Variants in GPATCH2L observed in about 807,000 individuals in gnomAD.
The protein encoded by GPATCH2L is G patch domain-containing protein 2-like.
A neutral mutation model predicts 57.4 loss-of-function variants in GPATCH2L; 31 were observed. The ratio of observed to expected loss-of-function variants is 0.54; its 90% CI spans 0.41 to 0.73. GPATCH2L has a LOEUF of 0.73. GPATCH2L is among the 30% of genes least tolerant of loss of function. The pLI is 0.00. For synonymous variants in GPATCH2L, 199 were observed against 210.7 expected, an observed-to-expected ratio of 0.94 and a Z score of 0.48; for missense variants, 481 against 599.9, an observed-to-expected ratio of 0.80 and a Z score of 2.07.
intron 6 of GPATCH2L, 54 bp from the exon 7 acceptor site, chr14:76,177,934 A>G: frequency 1.3e-6 from 2 of 1,599,846 alleles, no homozygotes; most frequent in Non-Finnish European, 8.6e-7. Flanking sequence ...GAAATCAGGT[A>G]AGATCATTTT....
chr14:76,221,241 A>C (rs995993708), intron 1 of GPATCH2L, among the ~76,000 whole-genome samples: 1 of 152,228 alleles, frequency 6.6e-6, no homozygotes, highest in African/African-American at 2.4e-5. Flanking sequence ...GAAGATATAC[A>C]GATGGAAAAT....
chr14:76,164,044 G>C (rs1453404769), intron 2 of GPATCH2L, among the ~76,000 whole-genome samples: 2 of 152,130 alleles, frequency 1.3e-5, no homozygotes, highest in Non-Finnish European at 2.9e-5. Flanking sequence ...TTGTCTGAAG[G>C]TCCGGCTGCC....
chr14:76,199,220 C>A (rs1343218601), intron 9 of GPATCH2L, among the ~76,000 whole-genome samples: 1 of 152,002 alleles, frequency 6.6e-6, no homozygotes, highest in Admixed American at 6.6e-5. Flanking sequence ...CTTTAAAAAT[C>A]TTCTCCCTGC....
At chr14:76,172,431 T>C (rs2039128730) in intron 4 of GPATCH2L, among the ~76,000 whole-genome samples, 2 of 152,210 alleles carry the variant, frequency 1.3e-5, no homozygotes, top group Non-Finnish European at 2.9e-5. Context: ...TTAAAACGGA[T>C]GCTTTTAAAA....
intron 1 of GPATCH2L, among the ~76,000 whole-genome samples, chr14:76,224,224 G>T (rs2139867439): frequency 6.6e-6 from 1 of 152,262 alleles, no homozygotes. Context: ...ATTAGTAGCT[G>T]CCAATGGGAA....
rs1480651456 is a variant in GPATCH2L, at chr14:76,205,061, A to G, written c.*3210A>G. On this transcript the variant is annotated 3_prime_UTR_variant, in exon 10 of 10. Transcript: ENST00000261530. ...CATAGCTCACTGTAACCTTGAACTCATAAGCTCAAGCCATCCTCCTGCCTC... is the reference window on the plus strand; with the variant it reads ...CATAGCTCACTGTAACCTTGAACTCGTAAGCTCAAGCCATCCTCCTGCCTC... 1 of 152,224 alleles carries G rather than the reference A, an allele frequency of 6.6e-6. No individual in the cohort carries two copies. Among genetic ancestry groups the G allele is most frequent in the Non-Finnish European group, 1.5e-5 (1 of 68,104 alleles). 9.4% of individuals were successfully genotyped at this position (152,224 alleles called of 1,614,324 possible). A position where few individuals can be genotyped will look rare whatever the true frequency, so the allele number is the denominator to read the frequency against.
At chr14:76,165,281 C>G (rs1335285475) in intron 2 of GPATCH2L, among the ~76,000 whole-genome samples, 1 of 152,000 alleles carries the variant, frequency 6.6e-6, no homozygotes, top group East Asian at 1.9e-4. Context: ...ATCATGAGGT[C>G]AGGAGTTCGA....
intron 2 of GPATCH2L, among the ~76,000 whole-genome samples, chr14:76,232,015 A>G (rs527281327): frequency 4.3e-3 from 9 of 2,082 alleles, no homozygotes; most frequent in Non-Finnish European, 9.0e-3. Flanking sequence ...AGGCTCAAGC[A>G]ATCTTCCTGC....
downstream of GPATCH2L, among the ~76,000 whole-genome samples, chr14:76,217,088 A>T (rs140488489): frequency 6.6e-6 from 1 of 152,290 alleles, no homozygotes; most frequent in African/African-American, 2.4e-5. Context: ...AAACTATACA[A>T]CTACTGGAAA....
At chr14:76,198,962 T>C (rs763571321) in intron 9 of GPATCH2L, among the ~76,000 whole-genome samples, 17 of 152,204 alleles carry the variant, frequency 1.1e-4, no homozygotes, top group Non-Finnish European at 2.2e-4. Flanking sequence ...AGTTCCATTT[T>C]AGGATGTCCC....
At chr14:76,221,959 T>C (rs564355135) in intron 1 of GPATCH2L, among the ~76,000 whole-genome samples, 10 of 152,314 alleles carry the variant, frequency 6.6e-5, no homozygotes, top group African/African-American at 2.2e-4. Flanking sequence ...AACATTAGTG[T>C]ATCAACTATG....
intron 5 of GPATCH2L, chr14:76,174,237 G>C (rs772684062): frequency 6.6e-6 from 1 of 152,268 alleles, no homozygotes; most frequent in Non-Finnish European, 1.5e-5. Context: ...AGGAATGTCT[G>C]ATGTTACCCA....
intron 8 of GPATCH2L, among the ~76,000 whole-genome samples, chr14:76,187,773 A>G (rs1448187103): frequency 6.6e-6 from 1 of 152,088 alleles, no homozygotes; most frequent in Non-Finnish European, 1.5e-5. Context: ...ATTATTATTG[A>G]CTGTAGCCAC....
intron 2 of GPATCH2L, among the ~76,000 whole-genome samples, chr14:76,232,117 G>T (rs975375319): frequency 8.1e-5 from 10 of 122,728 alleles, no homozygotes; most frequent in Non-Finnish European, 1.6e-4. Context: ...TCACCATATT[G>T]CCTAGGCTGG....
chr14:76,196,757 A>G (rs550966703), intron 9 of GPATCH2L, among the ~76,000 whole-genome samples: 1 of 152,280 alleles, frequency 6.6e-6, no homozygotes, highest in Admixed American at 6.5e-5. Flanking sequence ...TTTTCTTTAG[A>G]AAATACTACC....
At chr14:76,194,843 A>G (rs1347968185) in intron 8 of GPATCH2L, among the ~76,000 whole-genome samples, 1 of 152,164 alleles carries the variant, frequency 6.6e-6, no homozygotes, top group Non-Finnish European at 1.5e-5. Flanking sequence ...ACTTTTATTC[A>G]TTCATAGCAG....
chr14:76,178,148 C>A, intron 7 of GPATCH2L, 106 bp downstream of exon 7: 1 of 1,271,054 alleles, frequency 7.9e-7, no homozygotes, highest in Non-Finnish European at 1.1e-6. Flanking sequence ...TTTGTAGGTT[C>A]AACTGTGATC....
At chr14:76,188,535 C>CTTTTGCCCA (rs149906776) in intron 8 of GPATCH2L, among the ~76,000 whole-genome samples, 119,326 of 151,556 alleles carry the variant, frequency 0.79, 47,557 homozygotes, top group South Asian at 0.88. Context: ...CTGTTCAAAT[C>CTTTTGCCCA]TTTTTTGATT....
chr14:76,161,229 C>T (rs2038566685), intron 2 of GPATCH2L, among the ~76,000 whole-genome samples: 3 of 152,124 alleles, frequency 2.0e-5, no homozygotes, highest in African/African-American at 7.2e-5. Context: ...CTTTTTTCCA[C>T]GTTTTTCTAA....
Sources: allele counts gnomAD v4.1 joint callset (sites outside exome capture counted in the v4.1 genomes callset), GRCh38; gene constraint gnomAD v4.1.1; transcripts MANE v1.5; gene names NCBI Gene and HGNC (gene_info 2026-07-23, HGNC 2026-07-21).